The following KCNT2 variants were observed in gnomAD, a reference collection of about 807,000 sequenced individuals.
KCNT2 encodes potassium sodium-activated channel subfamily T member 2.
KCNT2 carries 67 observed loss-of-function variants against 153.8 expected under a neutral mutation model. The ratio of observed to expected loss-of-function variants is 0.44; its 90% CI spans 0.36 to 0.53. The LOEUF (loss-of-function observed/expected upper bound fraction) is 0.53. Ranked by LOEUF, KCNT2 falls within the 20% of genes least tolerant of loss-of-function variation. The probability of loss-of-function intolerance (pLI) is 0.00; values close to 1 mark genes in which losing one functional copy is unlikely to be tolerated. For missense variants in KCNT2, 975 were observed against 1,354.8 expected (o/e 0.72, Z 4.40); for synonymous variants, 500 against 458.8 (o/e 1.09, Z -1.15).
intron 5 of KCNT2, 26 bp from the exon 6 acceptor site, chr1:196,469,094 G>A (rs759619850): frequency 7.9e-5 from 113 of 1,422,020 alleles, no homozygotes; most frequent in Middle Eastern, 1.8e-4. Flanking sequence ...GAATAAAAAC[G>A]AAAGTCAATT....
At chr1:196,311,367 G>A (rs765722171) in intron 21 of KCNT2, among the ~76,000 whole-genome samples, 1 of 151,592 alleles carries the variant, frequency 6.6e-6, no homozygotes, top group African/African-American at 2.4e-5. Context: ...AATCACAATT[G>A]CAGGCATGGC....
At chr1:196,431,909 A>G (rs1222196519) in intron 8 of KCNT2, among the ~76,000 whole-genome samples, 1 of 152,150 alleles carries the variant, frequency 6.6e-6, no homozygotes, top group South Asian at 2.1e-4. Flanking sequence ...AAAGGAAGCC[A>G]GGTGGTCTTC....
At chr1:196,467,367 G>T (rs1677712000) in intron 7 of KCNT2, among the ~76,000 whole-genome samples, 1 of 151,966 alleles carries the variant, frequency 6.6e-6, no homozygotes, top group Admixed American at 6.6e-5. Context: ...AGATACAGCA[G>T]ACTGGTCATT....
At chr1:196,482,040 T>C (rs1455927501) in intron 4 of KCNT2, among the ~76,000 whole-genome samples, 1 of 152,226 alleles carries the variant, frequency 6.6e-6, no homozygotes, top group Non-Finnish European at 1.5e-5. Context: ...ATACTTAATG[T>C]AGTTTGGGAA....
At chr1:196,456,283 T>C (rs1290819755) in intron 8 of KCNT2, among the ~76,000 whole-genome samples, 1 of 151,984 alleles carries the variant, frequency 6.6e-6, no homozygotes, top group African/African-American at 2.4e-5. Flanking sequence ...TTTTTAAGTA[T>C]GTTTAAAGAT....
chr1:196,301,932 G>T (rs1046497150), intron 22 of KCNT2, among the ~76,000 whole-genome samples: 28 of 152,186 alleles, frequency 1.8e-4, no homozygotes, highest in Non-Finnish European at 2.5e-4. Flanking sequence ...TAGAGACAGG[G>T]TTTTACCATG....
At chr1:196,513,849 G>A (rs779743667) in intron 1 of KCNT2, among the ~76,000 whole-genome samples, 1 of 152,164 alleles carries the variant, frequency 6.6e-6, no homozygotes, top group African/African-American at 2.4e-5. Context: ...TATGAAAAGA[G>A]GAAATAAAAG....
intron 7 of KCNT2, 31 bp from the exon 8 acceptor site, chr1:196,465,418 T>A: frequency 8.0e-7 from 1 of 1,245,006 alleles, no homozygotes; most frequent in Non-Finnish European, 1.2e-6. Flanking sequence ...AGTTGTAAAT[T>A]TTGATAAATA....
At chr1:196,338,858 G>A (rs1157102310) in intron 16 of KCNT2, among the ~76,000 whole-genome samples, 2 of 144,022 alleles carry the variant, frequency 1.4e-5, no homozygotes, top group Non-Finnish European at 3.0e-5. Context: ...ATAGAATTTG[G>A]TTAATGATGA....
At chr1:196,231,220 G>A (rs1385737535) in intron 27 of KCNT2, among the ~76,000 whole-genome samples, 1 of 151,706 alleles carries the variant, frequency 6.6e-6, no homozygotes, top group Non-Finnish European at 1.5e-5. Flanking sequence ...TAGACATAAT[G>A]CTTTGCTTTT....
intron 1 of KCNT2, among the ~76,000 whole-genome samples, chr1:196,498,572 T>C (rs1680436388): frequency 6.6e-6 from 1 of 152,184 alleles, no homozygotes; most frequent in Non-Finnish European, 1.5e-5. Context: ...AGAAGTCTTG[T>C]CCTCTATTTA....
chr1:196,378,095 G>A (rs897241065), intron 13 of KCNT2, among the ~76,000 whole-genome samples: 1 of 152,038 alleles, frequency 6.6e-6, no homozygotes. Flanking sequence ...AGAATAGTGA[G>A]CCATGAATAT....
chr1:196,271,786 A>C (rs1658087059), intron 25 of KCNT2, among the ~76,000 whole-genome samples: 1 of 151,910 alleles, frequency 6.6e-6, no homozygotes, highest in South Asian at 2.1e-4. Flanking sequence ...AGGTCAGTGA[A>C]CACAGCTGTG....
At chr1:196,461,472 A>C (rs1325084592) in intron 8 of KCNT2, among the ~76,000 whole-genome samples, 1 of 151,804 alleles carries the variant, frequency 6.6e-6, no homozygotes, top group South Asian at 2.1e-4. Flanking sequence ...AAATATATAA[A>C]CACATGTAAA....
intron 1 of KCNT2, among the ~76,000 whole-genome samples, chr1:196,503,134 G>A (rs1052229320): frequency 1.6e-4 from 24 of 151,104 alleles, no homozygotes; most frequent in African/African-American, 5.1e-4. Flanking sequence ...TAAGGATTAT[G>A]TATCCTTACC....
At chr1:196,530,700 T>A (rs1490602702) in intron 1 of KCNT2, among the ~76,000 whole-genome samples, 5 of 152,144 alleles carry the variant, frequency 3.3e-5, no homozygotes, top group Non-Finnish European at 1.5e-5. Flanking sequence ...ACATACTGCA[T>A]ATGTAATATA....
intron 14 of KCNT2, among the ~76,000 whole-genome samples, chr1:196,366,455 G>A (rs916786950): frequency 4.6e-5 from 7 of 151,998 alleles, no homozygotes; most frequent in African/African-American, 1.4e-4. Context: ...CACCACACCC[G>A]GCTTTTGCTT....
intron 22 of KCNT2, among the ~76,000 whole-genome samples, 158 bp from the exon 23 acceptor site, chr1:196,285,916 C>T (rs1216599142): frequency 6.6e-6 from 1 of 152,044 alleles, no homozygotes; most frequent in East Asian, 1.9e-4. Context: ...TTTTAAACTG[C>T]CCTTTCGTTT....
At position 196,442,078 on chromosome 1, in the gene KCNT2, T is replaced by A. The variant is rs543724899; in HGVS notation, c.639-12321A>T. 4.9e-4 allele frequency among the ~76,000 whole-genome samples: 75 copies of A among 151,848 alleles called. 2 individuals carry two copies. In the South Asian group the frequency reaches 0.016, roughly 31 times the overall value. On this transcript the variant is annotated intron_variant, in intron 8 of 27. Transcript: ENST00000294725. ...AAAATCATCACTTTCGTCTGGAAAC[T>A]CCAATTCTATGAAACTCCAACATTA...
Sources: allele counts gnomAD v4.1 joint callset (sites outside exome capture counted in the v4.1 genomes callset), GRCh38; gene constraint gnomAD v4.1.1; transcripts MANE v1.5; gene names NCBI Gene and HGNC (gene_info 2026-07-23, HGNC 2026-07-21).